Variants in MAP3K12 observed in about 807,000 individuals in gnomAD.
MAP3K12 encodes the protein mitogen-activated protein kinase kinase kinase 12.
Under a neutral mutation model 87.5 loss-of-function variants are expected in MAP3K12, and 14 were observed. The ratio of observed to expected loss-of-function variants is 0.16; its 90% CI spans 0.11 to 0.25. The LOEUF (loss-of-function observed/expected upper bound fraction) is 0.25, where lower values mean the gene tolerates loss of function less well. MAP3K12 is among the 10% of genes least tolerant of loss of function. The pLI is 1.00. For missense variants in MAP3K12, 802 were observed against 1,140.4 expected, an observed-to-expected ratio of 0.70 and a Z score of 4.27; for synonymous variants, 469 against 452.5, an observed-to-expected ratio of 1.04 and a Z score of -0.46.
intron 1 of MAP3K12, among the ~76,000 whole-genome samples, chr12:53,489,187 G>C (rs533528114): frequency 6.6e-6 from 1 of 151,976 alleles, no homozygotes. Context: ...AACAAAGCTG[G>C]GCATGGTGAT....
chr12:53,500,690 C>G (rs1943664364), upstream of MAP3K12: 1 of 152,630 alleles, frequency 6.6e-6, no homozygotes, highest in Admixed American at 6.6e-5. Flanking sequence ...CGGTCCCCTC[C>G]GGCGTCTAGG....
At position 53,482,641 on chromosome 12, in the gene MAP3K12, C is replaced by A. The variant is rs145858926; in HGVS notation, c.2162G>T (p.Arg721Leu). The A allele has an allele frequency of 3.1e-6, 5 of 1,613,942 alleles. No individual in the cohort carries two copies. Among genetic ancestry groups the A allele is most frequent in the Non-Finnish European group, 4.2e-6 (5 of 1,180,018 alleles). Residue 721 changes from arginine (R) to leucine (L), a missense_variant, in exon 11 of 14, where the codon CGG becomes CTG. Around this residue, in one of 5 missense-constraint regions of MAP3K12, gnomAD observed 490 missense variants for 496.6 expected, o/e 0.99. Transcript: ENST00000547488. ...CTGGGACCCAGCCCGGCTTCCTCCCCGGCCTGAGGTCCCTTCCCTTCCAGT... is the reference window on the plus strand; with the variant it reads ...CTGGGACCCAGCCCGGCTTCCTCCCAGGCCTGAGGTCCCTTCCCTTCCAGT... ...LGTGREGTSGRGGSRAGSQHL... is the reference protein window; with the variant it reads ...LGTGREGTSGLGGSRAGSQHL...
At chr12:53,499,003 T>A (rs978116037) in intron 1 of MAP3K12, among the ~76,000 whole-genome samples, 1 of 127,836 alleles carries the variant, frequency 7.8e-6, no homozygotes, top group Non-Finnish European at 1.6e-5. Flanking sequence ...TGTGTGTGTG[T>A]GGAGATGGTG....
At chr12:53,494,874 G>C (rs1198597159) in intron 1 of MAP3K12, among the ~76,000 whole-genome samples, 1 of 152,086 alleles carries the variant, frequency 6.6e-6, no homozygotes, top group Non-Finnish European at 1.5e-5. Flanking sequence ...TGTCCCCTTG[G>C]CTGCAGCTCG....
Position 53,485,487 on chromosome 12 carries a change from T to G in MAP3K12, c.822-12A>C. 1 of 1,611,516 alleles carries G rather than the reference T, an allele frequency of 6.2e-7. No homozygotes were observed. Among genetic ancestry groups the G allele is most frequent in the South Asian group, 1.1e-5 (1 of 90,590 alleles). On this transcript the variant is annotated splice_polypyrimidine_tract_variant and intron_variant, in intron 4 of 13. Coordinates refer to ENST00000547488, the MANE Select transcript of MAP3K12 (RefSeq NM_001193511.2). ...AGGTGATTAGCATGCTGGTAAAGAGTGTAGTCAGCTGGGGTCCACACCCCT... is the reference window on the plus strand; with the variant it reads ...AGGTGATTAGCATGCTGGTAAAGAGGGTAGTCAGCTGGGGTCCACACCCCT...
chr12:53,501,113 TACAA>T, upstream of MAP3K12: 1 of 501,154 alleles, frequency 2.0e-6, no homozygotes, highest in Non-Finnish European at 3.6e-6. Context: ...GGGACGGTAT[TACAA>T]ACAAAAAAAT....
At chr12:53,501,335 C>A, upstream of MAP3K12, 3 of 1,529,910 alleles carry the variant, frequency 2.0e-6, no homozygotes, top group Non-Finnish European at 2.7e-6. Context: ...TGGCCCCGGC[C>A]CTAGCTCGTC....
At chr12:53,493,920 C>T (rs192504549) in intron 1 of MAP3K12, 22 of 152,408 alleles carry the variant, frequency 1.4e-4, no homozygotes, top group African/African-American at 5.3e-4. Context: ...GTGGGGATAG[C>T]TGAAGAAGTA....
chr12:53,491,302 A>G (rs1425944214), intron 1 of MAP3K12, among the ~76,000 whole-genome samples: 2 of 49,388 alleles, frequency 4.0e-5, no homozygotes, highest in African/African-American at 1.3e-4. Context: ...AAAAAAAAAA[A>G]AAAGAAAAGA....
At chr12:53,497,670 C>T (rs1008641635) in intron 1 of MAP3K12, among the ~76,000 whole-genome samples, 18 of 152,178 alleles carry the variant, frequency 1.2e-4, no homozygotes, top group African/African-American at 3.9e-4. Context: ...GAGTGGCTGG[C>T]GTGAGGGGCA....
Position 53,484,355 on chromosome 12 carries a change from G to A in MAP3K12, c.1150C>T (p.Pro384Ser). The A allele has an allele frequency of 6.2e-7, 1 of 1,614,014 alleles. No homozygotes were observed. The highest frequency in any genetic ancestry group is 8.5e-7 in the Non-Finnish European group (1 of 1,179,852). ...ILLRQCWNSKPRNRPSFRQIL... is the reference protein window; with the variant it reads ...ILLRQCWNSKSRNRPSFRQIL... Reference sequence around the variant, plus strand: ...TGTCGGAATGATGGGCGATTTCGTGGTTTGCTATTCCTGAAAGGAATGGAG... The same window carrying A: ...TGTCGGAATGATGGGCGATTTCGTGATTTGCTATTCCTGAAAGGAATGGAG... Residue 384 changes from proline to serine, a missense_variant, in exon 7 of 14, where the codon CCA (proline) becomes TCA (serine). By Grantham distance (74) the Pro-to-Ser change is moderately conservative. Transcript: ENST00000547488.
chr12:53,500,945 G>A (rs2031688885), upstream of MAP3K12: 1 of 163,728 alleles, frequency 6.1e-6, no homozygotes, highest in Non-Finnish European at 1.3e-5. Context: ...GACACAGATG[G>A]CGCGCGGGCT....
rs1326999233 is a variant in MAP3K12, at chr12:53,492,757, C to CCG, written c.-37-5331_-37-5330dup. On this transcript the variant is annotated intron_variant, in intron 1 of 13. Transcript: ENST00000547488. The stretch of plus-strand genomic sequence containing the variant: ...TTTGCCTGCCCCCCAACCTCCCTCC[C>CCG]CGCCCCCACCACCTCCCACTCCGCC... 2.6e-5 allele frequency among the ~76,000 whole-genome samples: 4 copies of CCG among 152,112 alleles called. No homozygotes were observed. In the South Asian group the frequency reaches 6.2e-4, roughly 24 times the overall value.
chr12:53,496,628 T>A (rs1943554815), intron 1 of MAP3K12, among the ~76,000 whole-genome samples: 1 of 152,252 alleles, frequency 6.6e-6, no homozygotes, highest in Admixed American at 6.5e-5. Flanking sequence ...GAAGAATAAA[T>A]ACCAAAGTAT....
chr12:53,481,740 T>G, intron 13 of MAP3K12: 2 of 598,678 alleles, frequency 3.3e-6, no homozygotes, highest in Non-Finnish European at 2.8e-6. Flanking sequence ...GGCTGCAATT[T>G]ATAGCTACAT....
chr12:53,489,145 C>T (rs1943331502), intron 1 of MAP3K12, among the ~76,000 whole-genome samples: 1 of 149,436 alleles, frequency 6.7e-6, no homozygotes, highest in Non-Finnish European at 1.5e-5. Flanking sequence ...CTGTCTCTAC[C>T]AAAAATAGAA....
chr12:53,481,154 C>A lies in MAP3K12; in HGVS notation c.*28G>T. The A allele has an allele frequency of 1.8e-6, 2 of 1,101,782 alleles. No homozygotes were observed. The highest frequency in any genetic ancestry group is 1.2e-6 in the Non-Finnish European group (1 of 831,858). 68.3% of individuals were successfully genotyped at this position (1,101,782 alleles called of 1,614,324 possible). ...ATATATATAATTTATATAAATATTTCTCTATGTACAAGGAATACGAGTGGC... is the reference window on the plus strand; with the variant it reads ...ATATATATAATTTATATAAATATTTATCTATGTACAAGGAATACGAGTGGC... On this transcript the variant is annotated 3_prime_UTR_variant, in exon 14 of 14. Coordinates refer to ENST00000547488, the MANE Select transcript of MAP3K12 (RefSeq NM_001193511.2).
chr12:53,500,404 G>A (rs1323321772), upstream of MAP3K12: 2 of 152,346 alleles, frequency 1.3e-5, no homozygotes, highest in South Asian at 2.1e-4. Context: ...GACCACCAAG[G>A]TGCCTAGTCC....
At chr12:53,500,129 G>A, upstream of MAP3K12, 1 of 151,944 alleles carries the variant, frequency 6.6e-6, no homozygotes, top group East Asian at 1.9e-4. Context: ...CCGGCTCAGA[G>A]TAAGACATCT....
Sources: gnomAD v4.1 joint callset for allele counts (sites outside exome capture counted in the v4.1 genomes callset) on GRCh38, gnomAD v4.1.1 for gene constraint, gnomAD v4.1.1 regional missense constraint, MANE v1.5 for transcripts, NCBI Gene and HGNC (gene_info 2026-07-23, HGNC 2026-07-21) for gene names.